The following MAGI2 variants were observed in gnomAD, a reference collection of about 807,000 sequenced individuals.
MAGI2 encodes membrane associated guanylate kinase, WW and PDZ domain containing 2.
Under a neutral mutation model 133.3 loss-of-function variants are expected in MAGI2, and 35 were observed. The ratio of observed to expected loss-of-function variants is 0.26; its 90% CI spans 0.20 to 0.35. The LOEUF is 0.35. MAGI2 is among the 10% of genes least tolerant of loss of function. The pLI, the probability that MAGI2 is intolerant of heterozygous loss-of-function variation, is 1.00. For missense variants in MAGI2, 1,636 were observed against 1,863.4 expected (o/e 0.88, Z 2.25); for synonymous variants, 729 against 710.6 (o/e 1.03, Z -0.41).
chr7:79,367,856 G>GACACACACACAC (rs1183514493), intron 1 of MAGI2, among the ~76,000 whole-genome samples: 1 of 69,992 alleles, frequency 1.4e-5, no homozygotes, highest in Non-Finnish European at 2.7e-5. Flanking sequence ...TTATATATGT[G>GACACACACACAC]ACATATATAT....
chr7:78,717,998 T>C (rs577406385), intron 2 of MAGI2, among the ~76,000 whole-genome samples: 2 of 152,240 alleles, frequency 1.3e-5, no homozygotes, highest in African/African-American at 2.4e-5. Flanking sequence ...TAAACTTTAC[T>C]TCTTGTCATT....
At chr7:78,453,423 C>T (rs1788943188) in intron 6 of MAGI2, among the ~76,000 whole-genome samples, 1 of 152,222 alleles carries the variant, frequency 6.6e-6, no homozygotes, top group East Asian at 1.9e-4. Context: ...AGGTACCTGC[C>T]AGAATGGCAA....
intron 1 of MAGI2, among the ~76,000 whole-genome samples, chr7:79,320,980 C>G (rs1380069096): frequency 6.6e-6 from 1 of 152,072 alleles, no homozygotes; most frequent in African/African-American, 2.4e-5. Context: ...CACACATAAC[C>G]TGTTCAGAAT....
chr7:78,913,392 T>A (rs923364437), intron 2 of MAGI2, among the ~76,000 whole-genome samples: 1 of 152,156 alleles, frequency 6.6e-6, no homozygotes, highest in Admixed American at 6.6e-5. Flanking sequence ...CCATGCACAG[T>A]GCTATTTCCC....
intron 2 of MAGI2, among the ~76,000 whole-genome samples, chr7:78,824,526 A>G (rs1038839509): frequency 6.6e-6 from 1 of 152,208 alleles, no homozygotes; most frequent in African/African-American, 2.4e-5. Flanking sequence ...TCTGATGATC[A>G]GAGATGATGA....
At chr7:78,110,019 G>A (rs1279501331) in intron 20 of MAGI2, among the ~76,000 whole-genome samples, 1 of 152,130 alleles carries the variant, frequency 6.6e-6, no homozygotes, top group South Asian at 2.1e-4. Flanking sequence ...CCCTAGTTAA[G>A]TAGTTAATTG....
At chr7:78,669,300 C>T (rs921266208) in intron 2 of MAGI2, among the ~76,000 whole-genome samples, 1 of 151,980 alleles carries the variant, frequency 6.6e-6, no homozygotes, top group African/African-American at 2.4e-5. Context: ...CACCTCTATG[C>T]AAATAAACTA....
intron 1 of MAGI2, among the ~76,000 whole-genome samples, chr7:79,405,921 CAA>C (rs34025242): frequency 0.33 from 35,089 of 107,070 alleles, 4,048 homozygotes; most frequent in African/African-American, 0.46. Flanking sequence ...AACCACAACA[CAA>C]AAAAAAAAAA....
chr7:78,877,618 C>G (rs1042236282), intron 2 of MAGI2, among the ~76,000 whole-genome samples: 3 of 152,152 alleles, frequency 2.0e-5, no homozygotes, highest in Admixed American at 2.0e-4. Flanking sequence ...AGCTTTGCTT[C>G]ACTCCCACAC....
At chr7:78,871,825 T>TA (rs201593961) in intron 2 of MAGI2, among the ~76,000 whole-genome samples, 3,835 of 151,938 alleles carry the variant, frequency 0.025, 71 homozygotes, top group Middle Eastern at 0.048. Flanking sequence ...CCTTTCCATT[T>TA]AAAAAAAACT....
chr7:78,391,805 G>A (rs1442876876), intron 6 of MAGI2, among the ~76,000 whole-genome samples: 4 of 152,098 alleles, frequency 2.6e-5, no homozygotes, highest in Admixed American at 1.3e-4. Flanking sequence ...ATTCACTATA[G>A]GTAATTTCTA....
At chr7:79,361,884 C>T (rs753996789) in intron 1 of MAGI2, among the ~76,000 whole-genome samples, 1 of 151,620 alleles carries the variant, frequency 6.6e-6, no homozygotes, top group Non-Finnish European at 1.5e-5. Flanking sequence ...TAAATGAAAA[C>T]AAAAACATAA....
intron 2 of MAGI2, among the ~76,000 whole-genome samples, chr7:78,847,117 C>T (rs1792687318): frequency 6.6e-6 from 1 of 151,888 alleles, no homozygotes; most frequent in Admixed American, 6.6e-5. Flanking sequence ...TGGTAACTCT[C>T]CTTATAATTA....
intron 1 of MAGI2, among the ~76,000 whole-genome samples, chr7:79,035,011 TA>T (rs1810975941): frequency 6.6e-6 from 1 of 152,182 alleles, no homozygotes; most frequent in African/African-American, 2.4e-5. Flanking sequence ...CTTGGATACT[TA>T]AAGTTCTGCA....
intron 10 of MAGI2, among the ~76,000 whole-genome samples, chr7:78,238,576 C>T (rs1584513325): frequency 6.6e-6 from 1 of 152,044 alleles, no homozygotes; most frequent in Non-Finnish European, 1.5e-5. Context: ...TTATATCCCC[C>T]ATCATGTCCA....
At chr7:78,417,499 A>C (rs1289556665) in intron 6 of MAGI2, among the ~76,000 whole-genome samples, 4 of 152,086 alleles carry the variant, frequency 2.6e-5, no homozygotes, top group Admixed American at 1.3e-4. Flanking sequence ...TTTACTTAGT[A>C]ACTATAATAC....
chr7:78,836,377 T>C (rs1791618801), intron 2 of MAGI2, among the ~76,000 whole-genome samples: 1 of 152,178 alleles, frequency 6.6e-6, no homozygotes. Flanking sequence ...ATCAGATCTT[T>C]TCAAATATTA....
rs529934696 is a variant in MAGI2, at chr7:79,393,656, T to C, written c.301+59364A>G. The stretch of plus-strand genomic sequence containing the variant: ...TGCCACATGTGAAACTTTGTTTCCT[T>C]TTATTGGAAATCCCACAGGTATTAC... On this transcript the variant is annotated intron_variant, in intron 1 of 21. Transcript: ENST00000354212. 4.4e-4 allele frequency among the ~76,000 whole-genome samples: 67 copies of C among 152,354 alleles called. 1 individual carries two copies. The highest frequency in any genetic ancestry group is 5.7e-4 in the Non-Finnish European group (39 of 68,028).
intron 1 of MAGI2, among the ~76,000 whole-genome samples, chr7:79,104,183 G>A (rs1355178906): frequency 6.6e-6 from 1 of 152,040 alleles, no homozygotes; most frequent in African/African-American, 2.4e-5. Context: ...CAAGTAAGGA[G>A]CCCCCTGTCA....
Sources: allele counts gnomAD v4.1 joint callset (sites outside exome capture counted in the v4.1 genomes callset), GRCh38; gene constraint gnomAD v4.1.1; transcripts MANE v1.5; gene names NCBI Gene and HGNC (gene_info 2026-07-23, HGNC 2026-07-21).